KIAA1549L: variants seen among roughly 807,000 people sequenced by gnomAD.
The protein encoded by KIAA1549L is KIAA1549 like.
A neutral mutation model predicts 160.7 loss-of-function variants in KIAA1549L; 88 were observed. The observed-to-expected ratio is 0.55, with a 90% CI of 0.46 to 0.65. The LOEUF is 0.65. KIAA1549L is among the 30% of genes least tolerant of loss of function. The pLI, the probability that KIAA1549L is intolerant of heterozygous loss-of-function variation, is 0.00. For missense variants in KIAA1549L, 2,258 were observed against 2,437.5 expected, an observed-to-expected ratio of 0.93 and a Z score of 1.55; for synonymous variants, 950 against 976.7, an observed-to-expected ratio of 0.97 and a Z score of 0.51.
At chr11:33,518,395 C>T (rs773970899) in intron 1 of KIAA1549L, among the ~76,000 whole-genome samples, 3 of 151,968 alleles carry the variant, frequency 2.0e-5, no homozygotes, top group Non-Finnish European at 4.4e-5. Context: ...ATCCCCTGGC[C>T]CATTGTGTGA....
intron 13 of KIAA1549L, among the ~76,000 whole-genome samples, chr11:33,601,627 G>C (rs981348383): frequency 6.6e-6 from 1 of 152,188 alleles, no homozygotes; most frequent in Non-Finnish European, 1.5e-5. Context: ...TTCAAATGCT[G>C]TTGTCTTATG....
intron 16 of KIAA1549L, among the ~76,000 whole-genome samples, chr11:33,623,683 C>G (rs1384240142): frequency 6.6e-6 from 1 of 152,072 alleles, no homozygotes; most frequent in African/African-American, 2.4e-5. Flanking sequence ...GTGATGGAGG[C>G]CACTTGGCGA....
At chr11:33,620,907 A>T (rs1424085361) in intron 16 of KIAA1549L, among the ~76,000 whole-genome samples, 1 of 152,134 alleles carries the variant, frequency 6.6e-6, no homozygotes, top group Non-Finnish European at 1.5e-5. Context: ...TAAGCTCTTG[A>T]TTTTCTAAAA....
At chr11:33,547,401 C>T (rs549298248) in intron 3 of KIAA1549L, among the ~76,000 whole-genome samples, 6 of 152,266 alleles carry the variant, frequency 3.9e-5, no homozygotes, top group South Asian at 4.1e-4. Flanking sequence ...TGTTTGAGGC[C>T]GCAGCACCGA....
chr11:33,499,493 A>C (rs1448550083), intron 1 of KIAA1549L, among the ~76,000 whole-genome samples: 3 of 152,186 alleles, frequency 2.0e-5, no homozygotes, highest in African/African-American at 7.2e-5. Context: ...ATGGTTTAGC[A>C]CAGTTCTTGG....
chr11:33,493,784 C>T (rs569294102), intron 1 of KIAA1549L, among the ~76,000 whole-genome samples: 7 of 152,320 alleles, frequency 4.6e-5, no homozygotes, highest in East Asian at 3.9e-4. Context: ...CTGTCCTTCC[C>T]TAGCCAAGGG....
intron 1 of KIAA1549L, among the ~76,000 whole-genome samples, chr11:33,518,138 C>CAAAAAAAAAAAAA (rs560876643): frequency 3.7e-4 from 22 of 59,406 alleles, no homozygotes; most frequent in African/African-American, 1.2e-3. Context: ...GACTCTGTCT[C>CAAAAAAAAAAAAA]AAAAAAAAAA....
intron 9 of KIAA1549L, among the ~76,000 whole-genome samples, chr11:33,571,066 C>G (rs1016346747): frequency 6.6e-6 from 1 of 152,214 alleles, no homozygotes; most frequent in Non-Finnish European, 1.5e-5. Context: ...AGGTGGATCA[C>G]AAGGTCAAGA....
Position 33,583,381 on chromosome 11 carries a change from A to G in KIAA1549L, c.4446A>G (p.Ala1482=). 6.2e-7 allele frequency: 1 copy of G among 1,606,066 alleles called. No homozygotes were observed. Among genetic ancestry groups the G allele is most frequent in the Non-Finnish European group, 8.5e-7 (1 of 1,176,400 alleles). ...CCAATAACCTGTGGATCATCGCTGC[A>G]GTGCTGGCGCCCATTGCCGTGGTCA... is the stretch of plus-strand genomic sequence containing the variant. ...NPPNNLWIIA[A]VLAPIAVVTV... Residue 1482 remains alanine, a synonymous_variant, in exon 11 of 21, where the codon GCA becomes GCG. Coordinates refer to ENST00000658780, the MANE Select transcript of KIAA1549L (RefSeq NM_012194.3).
Position 33,596,725 on chromosome 11 carries a change from C to T in KIAA1549L, c.4752-2095C>T, listed in dbSNP as rs1347528390. On this transcript the variant is annotated intron_variant, in intron 12 of 20. Coordinates refer to ENST00000658780, the MANE Select transcript of KIAA1549L (RefSeq NM_012194.3). ...CTGCACTCCAGGCTGGGTGACAGAT[C>T]AAGACTCTCAAAAACTCAATCAGTC... is the stretch of plus-strand genomic sequence containing the variant. Among the ~76,000 whole-genome samples, 5 of 152,104 alleles carry T rather than the reference C, an allele frequency of 3.3e-5. No homozygotes were observed. The East Asian group carries it at 9.7e-4, about 29-fold the overall frequency.
At chr11:33,476,296 G>A (rs958358565) in intron 1 of KIAA1549L, among the ~76,000 whole-genome samples, 1 of 152,108 alleles carries the variant, frequency 6.6e-6, no homozygotes, top group African/African-American at 2.4e-5. Context: ...TGTGCTCATT[G>A]GCGAAGCTCA....
chr11:33,504,760 G>T (rs1853040991), intron 1 of KIAA1549L, among the ~76,000 whole-genome samples: 1 of 151,984 alleles, frequency 6.6e-6, no homozygotes. Flanking sequence ...GAGCCACTGT[G>T]CCCGGCCACA....
chr11:33,449,360 A>C (rs1851676163), intron 1 of KIAA1549L, among the ~76,000 whole-genome samples: 1 of 152,156 alleles, frequency 6.6e-6, no homozygotes, highest in African/African-American at 2.4e-5. Context: ...GATGGCTTCA[A>C]ATAGCAGAGG....
At chr11:33,494,100 C>A (rs1280256963) in intron 1 of KIAA1549L, among the ~76,000 whole-genome samples, 1 of 152,188 alleles carries the variant, frequency 6.6e-6, no homozygotes, top group Non-Finnish European at 1.5e-5. Flanking sequence ...GCCTAATTTG[C>A]CATCCTTCTT....
chr11:33,667,632 G>A (rs190379219), intron 20 of KIAA1549L, among the ~76,000 whole-genome samples: 120 of 152,252 alleles, frequency 7.9e-4, no homozygotes, highest in Admixed American at 2.1e-3. Flanking sequence ...CTGACCTCAT[G>A]AGCCGTCCAC....
At chr11:33,620,825 G>A (rs1850940259) in intron 16 of KIAA1549L, among the ~76,000 whole-genome samples, 1 of 151,802 alleles carries the variant, frequency 6.6e-6, no homozygotes, top group Non-Finnish European at 1.5e-5. Context: ...ACTCACACAA[G>A]CAAAACATGG....
intron 1 of KIAA1549L, among the ~76,000 whole-genome samples, chr11:33,502,235 A>G (rs984663416): frequency 2.0e-5 from 3 of 152,260 alleles, no homozygotes; most frequent in Non-Finnish European, 4.4e-5. Context: ...GTAGAGCTAC[A>G]TCGCATCACT....
intron 7 of KIAA1549L, 126 bp downstream of exon 7, chr11:33,560,037 A>G: frequency 1.1e-6 from 1 of 911,126 alleles, no homozygotes; most frequent in South Asian, 1.6e-5. Flanking sequence ...AAAATATGTG[A>G]TGGATTAAGG....
At chr11:33,494,236 G>A (rs914776977) in intron 1 of KIAA1549L, among the ~76,000 whole-genome samples, 2 of 152,148 alleles carry the variant, frequency 1.3e-5, no homozygotes, top group Admixed American at 1.3e-4. Context: ...ATATAGATAT[G>A]TTTTACTCTG....
Sources: allele counts gnomAD v4.1 joint callset (sites outside exome capture counted in the v4.1 genomes callset), GRCh38; gene constraint gnomAD v4.1.1; transcripts MANE v1.5; gene names NCBI Gene and HGNC (gene_info 2026-07-23, HGNC 2026-07-21).